Variants in TBXAS1 observed in about 807,000 individuals in gnomAD.
TBXAS1 encodes the protein thromboxane-A synthase.
In TBXAS1, 48 loss-of-function variants were observed where a neutral mutation model predicts 60.7. The observed-to-expected ratio is 0.79, with a 90% CI of 0.63 to 1.01. The LOEUF is 1.01. TBXAS1 is among the 50% of genes least tolerant of loss of function. The pLI is 0.00. For missense variants in TBXAS1, 685 were observed against 686.3 expected (o/e 1.00, Z 0.02); for synonymous variants, 287 against 269.7 (o/e 1.06, Z -0.63).
chr7:139,928,921 T>C (rs3801152), intron 4 of TBXAS1, among the ~76,000 whole-genome samples: 13,964 of 152,182 alleles, frequency 0.092, 1,478 homozygotes, highest in African/African-American at 0.26. Context: ...GGGCTTCCCT[T>C]AGGAGATGTT....
chr7:139,822,654 C>T (rs1798330286), intron 4 of TBXAS1, among the ~76,000 whole-genome samples: 1 of 152,186 alleles, frequency 6.6e-6, no homozygotes, highest in South Asian at 2.1e-4. Context: ...ATCATGGGCT[C>T]ACTCAACAGA....
chr7:139,843,585 C>T (rs183032944), intron 1 of TBXAS1, among the ~76,000 whole-genome samples: 59 of 152,220 alleles, frequency 3.9e-4, no homozygotes, highest in African/African-American at 8.4e-4. Context: ...TCAGGTGATC[C>T]GCCCACCTCG....
At chr7:140,001,873 C>G (rs555201813) in intron 9 of TBXAS1, among the ~76,000 whole-genome samples, 2 of 152,322 alleles carry the variant, frequency 1.3e-5, no homozygotes, top group Admixed American at 6.5e-5. Flanking sequence ...CTGGCTTATT[C>G]TCACTCATCC....
intron 5 of TBXAS1, among the ~76,000 whole-genome samples, chr7:139,941,430 ATTG>A (rs1416075371): frequency 2.4e-3 from 210 of 85,920 alleles, no homozygotes; most frequent in African/African-American, 0.013. Context: ...TTAAATTAAA[ATTG>A]TTTTTTTTTT....
upstream of TBXAS1, among the ~76,000 whole-genome samples, chr7:139,828,266 T>C (rs1048375653): frequency 6.6e-6 from 1 of 152,226 alleles, no homozygotes; most frequent in Non-Finnish European, 1.5e-5. Flanking sequence ...ACTTGTTCAA[T>C]TCTATTGCTG....
At chr7:139,791,457 G>A (rs1797378752) in intron 4 of TBXAS1, among the ~76,000 whole-genome samples, 1 of 152,138 alleles carries the variant, frequency 6.6e-6, no homozygotes, top group Non-Finnish European at 1.5e-5. Context: ...GCACTCTATG[G>A]GCCACAACTC....
chr7:139,949,252 CT>C (rs1809004528), intron 5 of TBXAS1, among the ~76,000 whole-genome samples: 2 of 152,192 alleles, frequency 1.3e-5, no homozygotes, highest in African/African-American at 4.8e-5. Context: ...TATGTTCCAT[CT>C]CTTTTGTTAT....
chr7:139,986,916 C>A (rs964287586), intron 9 of TBXAS1, among the ~76,000 whole-genome samples: 1 of 151,632 alleles, frequency 6.6e-6, no homozygotes, highest in African/African-American at 2.4e-5. Flanking sequence ...AACCACTATG[C>A]GATCTTGGCT....
intron 9 of TBXAS1, among the ~76,000 whole-genome samples, chr7:139,996,126 G>A (rs1322676901): frequency 6.6e-6 from 1 of 150,562 alleles, no homozygotes; most frequent in African/African-American, 2.4e-5. Flanking sequence ...ACACCACCAT[G>A]TCTGGCATTT....
At chr7:139,828,521 C>G (rs981308781), upstream of TBXAS1, among the ~76,000 whole-genome samples, 4 of 152,224 alleles carry the variant, frequency 2.6e-5, no homozygotes, top group Non-Finnish European at 5.9e-5. Context: ...TTTGGGATTG[C>G]TGGTTTTTTC....
At chr7:139,984,845 A>C (rs1812300734) in intron 9 of TBXAS1, among the ~76,000 whole-genome samples, 2 of 150,934 alleles carry the variant, frequency 1.3e-5, no homozygotes, top group South Asian at 4.2e-4. Context: ...GGAAGGAAGG[A>C]AGGAAAAGAA....
At chr7:139,839,384 G>A (rs1181829231) in intron 1 of TBXAS1, among the ~76,000 whole-genome samples, 2 of 152,206 alleles carry the variant, frequency 1.3e-5, no homozygotes, top group Non-Finnish European at 2.9e-5. Context: ...GGAGTAGAAT[G>A]TCTGAAAGGA....
chr7:140,012,320 C>T (rs1303491207), intron 10 of TBXAS1, among the ~76,000 whole-genome samples: 1 of 152,054 alleles, frequency 6.6e-6, no homozygotes, highest in Non-Finnish European at 1.5e-5. Flanking sequence ...TCAATCGAAC[C>T]CTATAGTCAC....
chr7:139,908,051 T>C (rs1805243245), intron 3 of TBXAS1, among the ~76,000 whole-genome samples: 1 of 152,108 alleles, frequency 6.6e-6, no homozygotes, highest in South Asian at 2.1e-4. Flanking sequence ...TCTTTTATCT[T>C]TGTTAGTCTT....
intron 3 of TBXAS1, among the ~76,000 whole-genome samples, chr7:139,877,190 G>T (rs1010172761): frequency 2.0e-5 from 3 of 152,156 alleles, no homozygotes; most frequent in Non-Finnish European, 2.9e-5. Context: ...TGTACTCCTC[G>T]GATGGACGAG....
chr7:139,875,823 CT>C, intron 3 of TBXAS1, 186 bp downstream of exon 3: 1 of 747,718 alleles, frequency 1.3e-6, no homozygotes, highest in South Asian at 1.7e-5. Flanking sequence ...AGAGAAGACC[CT>C]GGGGTTGCCC....
rs150905920 is a variant in TBXAS1 at position 139,897,108 on chromosome 7, C to G, written c.237-14117C>G. Among the ~76,000 whole-genome samples, 1,176 of 152,212 alleles carry G rather than the reference C, an allele frequency of 7.7e-3. 19 individuals carry two copies. The highest frequency in any genetic ancestry group is 0.028 in the African/African-American group (1,142 of 41,514). On this transcript the variant is annotated intron_variant, in intron 3 of 12. Transcript: ENST00000448866. ...TGCATGCTTAACACCATAATGAACACTAGACATCAAAGATAAGAAGACAAG... is the reference window on the plus strand; with the variant it reads ...TGCATGCTTAACACCATAATGAACAGTAGACATCAAAGATAAGAAGACAAG...
intron 3 of TBXAS1, among the ~76,000 whole-genome samples, chr7:139,880,492 G>A (rs78513611): frequency 0.012 from 1,836 of 152,234 alleles, 30 homozygotes; most frequent in African/African-American, 0.043. Context: ...TAAGAAAAAA[G>A]TACACTTGCT....
chr7:139,945,887 TG>T (rs530676980), intron 5 of TBXAS1, among the ~76,000 whole-genome samples: 60 of 152,318 alleles, frequency 3.9e-4, no homozygotes, highest in African/African-American at 1.4e-3. Flanking sequence ...AAGGCTTGAC[TG>T]GGGGAAGATC....
Sources: gnomAD v4.1 joint callset for allele counts (sites outside exome capture counted in the v4.1 genomes callset) on GRCh38, gnomAD v4.1.1 for gene constraint, MANE v1.5 for transcripts, NCBI Gene and HGNC (gene_info 2026-07-23, HGNC 2026-07-21) for gene names.